The following RGS9 variants were observed in gnomAD, a reference collection of about 807,000 sequenced individuals.
The protein encoded by RGS9 is regulator of G protein signaling 9.
Under a neutral mutation model 102.0 loss-of-function variants are expected in RGS9, and 78 were observed. The ratio of observed to expected loss-of-function variants is 0.76; its 90% CI spans 0.64 to 0.92. The LOEUF is 0.92. Among genes scored for constraint, RGS9 ranks in the 40% least tolerant of loss-of-function variants. The probability of loss-of-function intolerance (pLI) is 0.00; values close to 1 mark genes in which losing one functional copy is unlikely to be tolerated. For missense variants in RGS9, 833 were observed against 866.1 expected (o/e 0.96, Z 0.48); for synonymous variants, 353 against 318.6 (o/e 1.11, Z -1.15).
intron 1 of RGS9, among the ~76,000 whole-genome samples, chr17:65,146,237 A>G (rs907474428): frequency 2.0e-5 from 3 of 152,188 alleles, no homozygotes; most frequent in African/African-American, 7.2e-5. Flanking sequence ...ACCATTTTGA[A>G]TGAAGGCAGC....
At chr17:65,180,982 A>AT (rs550998657) in intron 9 of RGS9, among the ~76,000 whole-genome samples, 1 of 152,126 alleles carries the variant, frequency 6.6e-6, no homozygotes, top group Non-Finnish European at 1.5e-5. Flanking sequence ...ACATGATCTC[A>AT]TTTTTTTATG....
chr17:65,159,471 C>A (rs1313236126), intron 3 of RGS9, among the ~76,000 whole-genome samples: 1 of 151,966 alleles, frequency 6.6e-6, no homozygotes, highest in Non-Finnish European at 1.5e-5. Flanking sequence ...ATGGAGGGAG[C>A]GAGACCTGGA....
intron 9 of RGS9, 75 bp downstream of exon 9, chr17:65,177,878 C>A: frequency 1.7e-6 from 2 of 1,182,424 alleles, no homozygotes; most frequent in Non-Finnish European, 2.5e-6. Flanking sequence ...CATGTCTATT[C>A]GTGTCTGTTA....
chr17:65,190,680 T>C (rs1462022768), intron 11 of RGS9, among the ~76,000 whole-genome samples: 6 of 152,204 alleles, frequency 3.9e-5, no homozygotes, highest in African/African-American at 1.4e-4. Context: ...TAAGATAAAT[T>C]GGACATTTAT....
intron 5 of RGS9, 43 bp downstream of exon 5, chr17:65,160,630 A>C (rs750842323): frequency 6.3e-7 from 1 of 1,597,644 alleles, no homozygotes; most frequent in Non-Finnish European, 8.6e-7. Context: ...AGTGCTTAAC[A>C]TGCTGCTTAT....
chr17:65,160,270 C>T lies in RGS9; in HGVS notation c.243C>T (p.Gly81=). 1 of 1,614,172 alleles carries T rather than the reference C, an allele frequency of 6.2e-7. No individual in the cohort carries two copies. Among genetic ancestry groups the T allele is most frequent in the South Asian group, 1.1e-5 (1 of 91,082 alleles). Residue 81 remains glycine (G), a synonymous_variant, in exon 4 of 19, where the codon GGC becomes GGT. Transcript: ENST00000262406. ...TGGGCAACTTTATTGTCAGGTATGG[C>T]TACATTTACCCCCTGCAAGACCCCA... ...QNLGNFIVRY[G]YIYPLQDPKN...
At position 65,225,155 on chromosome 17, in the gene RGS9, A is replaced by G. The variant is rs755826378; in HGVS notation, c.1561A>G (p.Ile521Val). The part of the protein sequence containing the change: ...SRFIRRPSTT[I>V]CPSPIRVALE... ...CTTCATCCGGCGACCCAGCACCACC[A>G]TCTGCCCCTCACCCATCAGAGTGGC... The change falls in exon 18 of 19, where the codon ATC becomes GTC. Residue 521 changes from isoleucine to valine, a missense_variant. This residue lies in a region of RGS9 where 320 missense variants were observed against 276.8 expected (regional missense o/e 1.16). Coordinates refer to ENST00000262406, the MANE Select transcript of RGS9 (RefSeq NM_003835.4). The G allele has an allele frequency of 2.4e-5, 39 of 1,613,344 alleles. No homozygotes were observed. The Admixed American group carries it at 3.0e-4, about 12-fold the overall frequency.
intron 13 of RGS9, among the ~76,000 whole-genome samples, chr17:65,197,816 C>T (rs533739401): frequency 1.4e-4 from 21 of 151,982 alleles, no homozygotes; most frequent in African/African-American, 5.1e-4. Flanking sequence ...GTTACAGGTG[C>T]CTGTCACCAC....
chr17:65,176,163 C>T (rs533897528), intron 8 of RGS9, among the ~76,000 whole-genome samples: 9 of 152,276 alleles, frequency 5.9e-5, no homozygotes, highest in Admixed American at 5.2e-4. Context: ...GTGAAAGACC[C>T]AAATTATTGG....
At position 65,163,076 on chromosome 17, in the gene RGS9, A is replaced by T; in HGVS notation, c.487A>T (p.Lys163Ter). 6.3e-7 allele frequency: 1 copy of T among 1,598,136 alleles called. No individual in the cohort carries two copies. The highest frequency in any genetic ancestry group is 8.6e-7 in the Non-Finnish European group (1 of 1,166,900). The change falls in exon 7 of 19, where the codon AAA becomes TAA. Residue 163 changes from lysine (K) to a stop codon, truncating the protein, a stop_gained. Coordinates refer to ENST00000262406, the MANE Select transcript of RGS9 (RefSeq NM_003835.4). LOFTEE classifies it high-confidence loss of function. Reference protein sequence around the residue: ...YKWDFVIMQAKEQYRAGKERN... With the variant: ...YKWDFVIMQA ...GTGGGACTTTGTCATTATGCAGGCC[A>T]AAGAGCAGTACAGGTGAGTGAAAGG...
At chr17:65,219,603 T>C (rs1042699694) in intron 17 of RGS9, among the ~76,000 whole-genome samples, 9 of 152,256 alleles carry the variant, frequency 5.9e-5, no homozygotes, top group African/African-American at 1.7e-4. Context: ...TAAGTTATTC[T>C]GTAAGTACAA....
chr17:65,150,187 A>G (rs1910522866), intron 1 of RGS9, among the ~76,000 whole-genome samples: 1 of 152,186 alleles, frequency 6.6e-6, no homozygotes, highest in Non-Finnish European at 1.5e-5. Flanking sequence ...GCCCTGGGCC[A>G]GGTGAAGGCA....
intron 1 of RGS9, among the ~76,000 whole-genome samples, chr17:65,145,677 G>A (rs544084374): frequency 4.6e-5 from 7 of 152,016 alleles, no homozygotes; most frequent in Admixed American, 6.6e-5. Flanking sequence ...TTACAGGTGT[G>A]AGCCAGTGCA....
intron 8 of RGS9, among the ~76,000 whole-genome samples, chr17:65,170,528 C>T (rs1195803039): frequency 6.6e-6 from 1 of 152,170 alleles, no homozygotes; most frequent in Non-Finnish European, 1.5e-5. Flanking sequence ...AGCACCAACC[C>T]CTGCACCTTA....
chr17:65,139,967 G>C (rs1334008271), intron 1 of RGS9, among the ~76,000 whole-genome samples: 2 of 152,198 alleles, frequency 1.3e-5, no homozygotes, highest in Admixed American at 6.5e-5. Flanking sequence ...ATGTGGACCT[G>C]GGTGCAACTG....
intron 17 of RGS9, among the ~76,000 whole-genome samples, chr17:65,222,645 C>A (rs1157821479): frequency 6.6e-6 from 1 of 152,156 alleles, no homozygotes; most frequent in East Asian, 1.9e-4. Flanking sequence ...CAGTTGTCTC[C>A]CAAGCCCCTA....
chr17:65,192,688 T>G (rs1008287605), intron 11 of RGS9, among the ~76,000 whole-genome samples: 10 of 152,044 alleles, frequency 6.6e-5, no homozygotes, highest in African/African-American at 2.2e-4. Flanking sequence ...TAGTTAATAA[T>G]AATACAGTAT....
intron 18 of RGS9, among the ~76,000 whole-genome samples, chr17:65,226,830 G>T (rs1905708038): frequency 6.6e-6 from 1 of 152,056 alleles, no homozygotes; most frequent in African/African-American, 2.4e-5. Context: ...GGCCAGGCTG[G>T]TCTCGAACTC....
intron 17 of RGS9, among the ~76,000 whole-genome samples, chr17:65,215,505 TTTC>T (rs1285557797): frequency 3.4e-5 from 4 of 119,018 alleles, no homozygotes; most frequent in African/African-American, 1.4e-4. Flanking sequence ...TCGTTCTTTC[TTTC>T]TTTCTTTCTT....
Sources: gnomAD v4.1 joint callset for allele counts (sites outside exome capture counted in the v4.1 genomes callset) on GRCh38, gnomAD v4.1.1 for gene constraint, gnomAD v4.1.1 regional missense constraint, MANE v1.5 for transcripts, NCBI Gene and HGNC (gene_info 2026-07-23, HGNC 2026-07-21) for gene names.